S100Z: variants seen among roughly 807,000 people sequenced by gnomAD.
The protein encoded by S100Z is protein S100-Z.
A neutral mutation model predicts 8.5 loss-of-function variants in S100Z; 11 were observed. The ratio of observed to expected loss-of-function variants is 1.30; its 90% CI spans 0.82 to 2.15. S100Z has a LOEUF of 2.15. S100Z is among the 30% of genes most tolerant of loss of function. S100Z has a pLI of 0.00. For synonymous variants in S100Z, 34 were observed against 43.8 expected, an observed-to-expected ratio of 0.78 and a Z score of 0.89; for missense variants, 126 against 117.9, an observed-to-expected ratio of 1.07 and a Z score of -0.32.
At chr5:76,892,858 T>C (rs1390147711) in intron 4 of S100Z, among the ~76,000 whole-genome samples, 1 of 152,176 alleles carries the variant, frequency 6.6e-6, no homozygotes, top group Non-Finnish European at 1.5e-5. Context: ...CAATCAAGTA[T>C]GCATTTGTCT....
intron 2 of S100Z, among the ~76,000 whole-genome samples, chr5:76,871,248 G>A (rs1181250702): frequency 6.6e-6 from 1 of 152,138 alleles, no homozygotes; most frequent in South Asian, 2.1e-4. Flanking sequence ...TTTTATGGGG[G>A]AAATTTTGCA....
chr5:76,867,941 A>G (rs750996014), intron 1 of S100Z, among the ~76,000 whole-genome samples: 1 of 152,066 alleles, frequency 6.6e-6, no homozygotes, highest in Admixed American at 6.6e-5. Flanking sequence ...TTTGCACACT[A>G]TCTCAGACCT....
At chr5:76,851,951 C>T (rs1561218937) in intron 1 of S100Z, among the ~76,000 whole-genome samples, 1 of 152,068 alleles carries the variant, frequency 6.6e-6, no homozygotes. Flanking sequence ...AGTTGTCCTG[C>T]AGTCTTATGT....
At chr5:76,938,528 T>TG in the S100Z span, among the ~76,000 whole-genome samples, 1 of 152,206 alleles carries the variant, frequency 6.6e-6, no homozygotes, top group Non-Finnish European at 1.5e-5. Flanking sequence ...AGCCTTCACT[T>TG]GGGGGCATCA....
At chr5:76,933,206 G>T in the S100Z span, among the ~76,000 whole-genome samples, 1 of 152,212 alleles carries the variant, frequency 6.6e-6, no homozygotes, top group Non-Finnish European at 1.5e-5. Flanking sequence ...GCCAGGCGGA[G>T]TGCCCGGATG....
At chr5:76,880,598 T>C (rs1743372213) in intron 4 of S100Z, among the ~76,000 whole-genome samples, 1 of 152,124 alleles carries the variant, frequency 6.6e-6, no homozygotes, top group African/African-American at 2.4e-5. Flanking sequence ...CGGTTTTGTA[T>C]GAATTGAGAA....
the S100Z span, among the ~76,000 whole-genome samples, chr5:76,946,897 CA>C: frequency 6.6e-6 from 1 of 152,180 alleles, no homozygotes; most frequent in African/African-American, 2.4e-5. Context: ...GGAAACCTAT[CA>C]TTTTGTGGAT....
chr5:76,905,383 A>G (rs1744390596), intron 4 of S100Z, among the ~76,000 whole-genome samples: 1 of 151,792 alleles, frequency 6.6e-6, no homozygotes, highest in Non-Finnish European at 1.5e-5. Context: ...ATTTAAATCT[A>G]TGATTCATTT....
the S100Z span, among the ~76,000 whole-genome samples, chr5:76,942,490 A>G: frequency 8.1e-4 from 122 of 151,224 alleles, 2 homozygotes; most frequent in East Asian, 0.02. Flanking sequence ...CTTCTCCTAA[A>G]TGACTTAGAG....
chr5:76,936,535 CA>C, the S100Z span, among the ~76,000 whole-genome samples: 3 of 149,022 alleles, frequency 2.0e-5, no homozygotes, highest in African/African-American at 4.9e-5. Context: ...AAAAGTCAAT[CA>C]AAAAAATATT....
At chr5:76,882,997 G>T (rs1743468940) in intron 4 of S100Z, among the ~76,000 whole-genome samples, 3 of 152,158 alleles carry the variant, frequency 2.0e-5, no homozygotes, top group African/African-American at 7.2e-5. Flanking sequence ...CCTGAACTAA[G>T]GTAAGGCTTG....
At chr5:76,851,162 G>A (rs1002076880) in intron 1 of S100Z, among the ~76,000 whole-genome samples, 1 of 152,218 alleles carries the variant, frequency 6.6e-6, no homozygotes, top group Non-Finnish European at 1.5e-5. Context: ...GAGGGGCATC[G>A]GAGGCTTCCC....
chr5:76,941,044 A>T, the S100Z span, among the ~76,000 whole-genome samples: 1 of 152,224 alleles, frequency 6.6e-6, no homozygotes, highest in South Asian at 2.1e-4. Context: ...CAGTTCTTGC[A>T]TTGCTGTAAA....
At chr5:76,884,806 G>A (rs567147625) in intron 4 of S100Z, among the ~76,000 whole-genome samples, 6 of 152,232 alleles carry the variant, frequency 3.9e-5, no homozygotes, top group South Asian at 2.1e-4. Flanking sequence ...TTGGCCTGGC[G>A]AGGAGCAGCC....
At chr5:76,928,159 C>T in the S100Z span, among the ~76,000 whole-genome samples, 7 of 152,298 alleles carry the variant, frequency 4.6e-5, no homozygotes, top group South Asian at 1.2e-3. Flanking sequence ...GGGTCTAGTT[C>T]ACTGTCATTT....
At chr5:76,887,104 T>TC (rs1190850807) in intron 4 of S100Z, among the ~76,000 whole-genome samples, 1 of 151,342 alleles carries the variant, frequency 6.6e-6, no homozygotes, top group Non-Finnish European at 1.5e-5. Context: ...TCTTTTCTTT[T>TC]TTTTTTTTTT....
chr5:76,879,613 G>C (rs573113655), intron 4 of S100Z, among the ~76,000 whole-genome samples: 7 of 152,322 alleles, frequency 4.6e-5, no homozygotes, highest in Admixed American at 4.6e-4. Flanking sequence ...ACTGGAGATA[G>C]AGTTGGGAGT....
At chr5:76,886,253 T>C (rs1219209896) in intron 4 of S100Z, among the ~76,000 whole-genome samples, 3 of 152,174 alleles carry the variant, frequency 2.0e-5, no homozygotes, top group African/African-American at 7.2e-5. Flanking sequence ...AAGGCTGCCT[T>C]CCCGAGTCTG....
At chr5:76,937,252 A>G in the S100Z span, among the ~76,000 whole-genome samples, 2 of 152,112 alleles carry the variant, frequency 1.3e-5, no homozygotes, top group Admixed American at 6.5e-5. Flanking sequence ...AAAGAAAAAA[A>G]AAAGCAGGGG....
Sources: allele counts gnomAD v4.1 joint callset (sites outside exome capture counted in the v4.1 genomes callset), GRCh38; gene constraint gnomAD v4.1.1; transcripts MANE v1.5; gene names NCBI Gene and HGNC (gene_info 2026-07-23, HGNC 2026-07-21).